NELL1: variants seen among roughly 807,000 people sequenced by gnomAD.
The protein encoded by NELL1 is neural EGFL like 1, also known as protein kinase C-binding protein NELL1.
NELL1 carries 76 observed loss-of-function variants against 107.4 expected under a neutral mutation model. The ratio of observed to expected loss-of-function variants is 0.71; its 90% CI spans 0.59 to 0.86. The LOEUF is 0.86. Among genes scored for constraint, NELL1 ranks in the 40% least tolerant of loss-of-function variants. The pLI, the probability that NELL1 is intolerant of heterozygous loss-of-function variation, is 0.00. For missense variants in NELL1, 1,024 were observed against 1,005.5 expected (o/e 1.02, Z -0.25); for synonymous variants, 353 against 341.2 (o/e 1.03, Z -0.38).
At chr11:20,859,148 AC>A (rs1848933555) in intron 4 of NELL1, among the ~76,000 whole-genome samples, 1 of 152,070 alleles carries the variant, frequency 6.6e-6, no homozygotes, top group South Asian at 2.1e-4. Flanking sequence ...GATCTGCACC[AC>A]CCTTCCAACA....
chr11:21,390,934 A>T (rs550869138), intron 15 of NELL1, among the ~76,000 whole-genome samples: 2 of 151,546 alleles, frequency 1.3e-5, no homozygotes, highest in Admixed American at 6.6e-5. Context: ...TTTTTTCAAC[A>T]TCATCTCTTT....
intron 13 of NELL1, among the ~76,000 whole-genome samples, chr11:21,212,573 A>G (rs1325769986): frequency 6.6e-6 from 1 of 152,120 alleles, no homozygotes. Flanking sequence ...AAGTCACTGG[A>G]GTTCAGCAGG....
intron 12 of NELL1, among the ~76,000 whole-genome samples, chr11:20,993,762 G>A (rs1379583494): frequency 6.6e-6 from 1 of 151,954 alleles, no homozygotes; most frequent in Non-Finnish European, 1.5e-5. Flanking sequence ...AAAAATGTCT[G>A]TACATATTCA....
At chr11:21,229,140 C>T (rs1857975390) in intron 13 of NELL1, among the ~76,000 whole-genome samples, 192 bp from the exon 14 acceptor site, 2 of 152,064 alleles carry the variant, frequency 1.3e-5, no homozygotes, top group South Asian at 4.1e-4. Flanking sequence ...TGTTTCTTTA[C>T]CTGCAAAGTA....
chr11:20,841,972 A>G (rs1201914280), intron 3 of NELL1, among the ~76,000 whole-genome samples: 1 of 152,196 alleles, frequency 6.6e-6, no homozygotes, highest in Non-Finnish European at 1.5e-5. Context: ...TTCAGGACAC[A>G]TAGCCATTGA....
chr11:21,254,899 A>G (rs1005360648), intron 14 of NELL1, among the ~76,000 whole-genome samples: 1 of 152,106 alleles, frequency 6.6e-6, no homozygotes, highest in African/African-American at 2.4e-5. Context: ...AGCAAGCCCC[A>G]CAGCCTTCAA....
At chr11:21,223,488 G>C (rs75736371) in intron 13 of NELL1, among the ~76,000 whole-genome samples, 2 of 151,956 alleles carry the variant, frequency 1.3e-5, no homozygotes, top group Non-Finnish European at 2.9e-5. Flanking sequence ...ATGAACTTCA[G>C]GTAGTTGGGT....
chr11:21,446,002 T>C (rs1223235723), intron 15 of NELL1, among the ~76,000 whole-genome samples: 1 of 152,126 alleles, frequency 6.6e-6, no homozygotes, highest in Non-Finnish European at 1.5e-5. Context: ...TTGAGACTAT[T>C]TTCTAGATCT....
chr11:21,402,516 G>A (rs11026070), intron 15 of NELL1, among the ~76,000 whole-genome samples: 49,721 of 151,492 alleles, frequency 0.33, 8,538 homozygotes, highest in Non-Finnish European at 0.37. Flanking sequence ...TTATAAAATG[G>A]CCATTCATCA....
At chr11:21,124,908 G>GT (rs773854141) in intron 13 of NELL1, among the ~76,000 whole-genome samples, 5 of 151,978 alleles carry the variant, frequency 3.3e-5, no homozygotes, top group Non-Finnish European at 5.9e-5. Flanking sequence ...GCCAGATGAT[G>GT]TTTTCTTACT....
At chr11:21,088,752 A>G (rs570080185) in intron 12 of NELL1, among the ~76,000 whole-genome samples, 1 of 152,298 alleles carries the variant, frequency 6.6e-6, no homozygotes, top group Non-Finnish European at 1.5e-5. Flanking sequence ...ATAGAGGGCA[A>G]TGTTCATACT....
intron 11 of NELL1, among the ~76,000 whole-genome samples, chr11:20,953,524 A>T (rs557352349): frequency 6.6e-6 from 1 of 152,316 alleles, no homozygotes; most frequent in African/African-American, 2.4e-5. Context: ...AGCTTATTAT[A>T]TGCAGATTAG....
At chr11:20,942,466 T>TGGGAGTAG (rs565523090) in intron 10 of NELL1, among the ~76,000 whole-genome samples, 4 of 151,956 alleles carry the variant, frequency 2.6e-5, no homozygotes, top group Admixed American at 6.6e-5. Flanking sequence ...CTCCCAGGGT[T>TGGGAGTAG]GGGAGTAGGG....
intron 2 of NELL1, among the ~76,000 whole-genome samples, chr11:20,691,107 T>C (rs1210379925): frequency 6.6e-6 from 1 of 151,974 alleles, no homozygotes; most frequent in African/African-American, 2.4e-5. Context: ...TGTATAAGAA[T>C]GCTTGTGATT....
At chr11:21,569,615 G>C (rs978716896) in intron 17 of NELL1, among the ~76,000 whole-genome samples, 2 of 152,002 alleles carry the variant, frequency 1.3e-5, no homozygotes, top group South Asian at 2.1e-4. Context: ...GAGTACATAA[G>C]AGCTGTCTTC....
intron 16 of NELL1, among the ~76,000 whole-genome samples, chr11:21,552,988 T>C (rs1856627040): frequency 6.6e-6 from 1 of 151,876 alleles, no homozygotes; most frequent in Non-Finnish European, 1.5e-5. Context: ...AATTCTTAGC[T>C]CCTGTAATCT....
chr11:21,020,519 T>C (rs1281859094), intron 12 of NELL1, among the ~76,000 whole-genome samples: 1 of 152,046 alleles, frequency 6.6e-6, no homozygotes, highest in Admixed American at 6.6e-5. Context: ...TTTCTTTTTT[T>C]GGAAGGTTAG....
intron 15 of NELL1, among the ~76,000 whole-genome samples, chr11:21,497,295 T>C (rs1163678916): frequency 2.0e-5 from 3 of 152,092 alleles, no homozygotes; most frequent in Non-Finnish European, 4.4e-5. Flanking sequence ...ACCCTAGAAC[T>C]TGAAGTATAG....
chr11:21,342,358 C>G (rs1268571606), intron 14 of NELL1, among the ~76,000 whole-genome samples: 47 of 147,838 alleles, frequency 3.2e-4, no homozygotes, highest in Admixed American at 3.1e-3. Context: ...GACTTAAATA[C>G]TGCTGGGCAT....
Sources: allele counts gnomAD v4.1 joint callset (sites outside exome capture counted in the v4.1 genomes callset), GRCh38; gene constraint gnomAD v4.1.1; transcripts MANE v1.5; gene names NCBI Gene and HGNC (gene_info 2026-07-23, HGNC 2026-07-21).